ZNF449: variants seen among roughly 807,000 people sequenced by gnomAD.
The protein encoded by ZNF449 is zinc finger protein 449.
ZNF449 carries 4 observed loss-of-function variants against 32.6 expected under a neutral mutation model. The observed-to-expected ratio is 0.12, with a 90% CI of 0.06 to 0.28. ZNF449 has a LOEUF of 0.28. Among genes scored for constraint, ZNF449 ranks in the 10% least tolerant of loss-of-function variants. The pLI is 1.00. For synonymous variants in ZNF449, 123 were observed against 132.2 expected, an observed-to-expected ratio of 0.93 and a Z score of 0.48; for missense variants, 275 against 383.2, an observed-to-expected ratio of 0.72 and a Z score of 2.36.
At chrX:135,352,749 A>G (rs142123985) in intron 3 of ZNF449, among the ~76,000 whole-genome samples, 198 of 112,251 alleles carry the variant, frequency 1.8e-3, no homozygotes, top group African/African-American at 5.8e-3. Flanking sequence ...CTATACCAAA[A>G]AATTTACCAT....
chrX:135,361,032 G>A lies in ZNF449; in HGVS notation c.1513G>A (p.Gly505Ser), dbSNP rs1556453726. ...TTCTAAAAGCTTCAGACAGAGAGCC[G>A]GCCTTATTATGCACCAGGTCACTCA... ...HCSKSFRQRAGLIMHQVTHFR... is the reference protein window; with the variant it reads ...HCSKSFRQRASLIMHQVTHFR... The change falls in exon 5 of 5, where the codon GGC becomes AGC. Residue 505 changes from glycine (G) to serine (S), a missense_variant. By Grantham distance (56) the Gly-to-Ser change is moderately conservative. Around this residue, in one of 3 missense-constraint regions of ZNF449, gnomAD observed 80 missense variants for 146.6 expected, o/e 0.55. Transcript: ENST00000339249. 5 of 1,199,124 alleles carry A rather than the reference G, an allele frequency of 4.2e-6. No individual in the cohort carries two copies. The highest frequency in any genetic ancestry group is 3.0e-5 in the East Asian group (1 of 33,751).
At chrX:135,353,973 CTT>C (rs1225425640) in intron 3 of ZNF449, among the ~76,000 whole-genome samples, 20 of 111,974 alleles carry the variant, frequency 1.8e-4, no homozygotes, top group African/African-American at 6.2e-4. Context: ...AAAAGAGCTC[CTT>C]GACAGAAGTA....
chrX:135,357,795 C>G (rs1239317829), intron 3 of ZNF449, among the ~76,000 whole-genome samples: 2 of 110,882 alleles, frequency 1.8e-5, no homozygotes, highest in Non-Finnish European at 3.8e-5. Flanking sequence ...TTGACTGGCT[C>G]TCTTGTGGTT....
chrX:135,355,652 G>T (rs1556451695), intron 3 of ZNF449, among the ~76,000 whole-genome samples: 1 of 111,407 alleles, frequency 9.0e-6, no homozygotes, highest in Non-Finnish European at 1.9e-5. Context: ...ATCATTTAAT[G>T]ATGTCAATAT....
intron 3 of ZNF449, among the ~76,000 whole-genome samples, chrX:135,353,015 G>T (rs1341355892): frequency 1.8e-5 from 2 of 111,820 alleles, no homozygotes; most frequent in Non-Finnish European, 3.8e-5. Flanking sequence ...TACTATTTTT[G>T]AGAGGAATTC....
At chrX:135,355,523 GT>G (rs1208638948) in intron 3 of ZNF449, among the ~76,000 whole-genome samples, 2 of 110,073 alleles carry the variant, frequency 1.8e-5, no homozygotes, top group African/African-American at 3.3e-5. Context: ...AAAATCTATT[GT>G]TTTTTTCCCT....
At chrX:135,351,988 ATATAT>A (rs1440504180) in intron 3 of ZNF449, among the ~76,000 whole-genome samples, 1 of 112,281 alleles carries the variant, frequency 8.9e-6, no homozygotes, top group East Asian at 2.8e-4. Flanking sequence ...GTTTAAAGTG[ATATAT>A]TATGCTTTGA....
At chrX:135,349,426 A>G in intron 3 of ZNF449, 112 bp downstream of exon 3, 1 of 720,291 alleles carries the variant, frequency 1.4e-6, no homozygotes, top group Non-Finnish European at 2.0e-6. Flanking sequence ...TTGACCACTC[A>G]GATAAAGAAG....
At chrX:135,356,635 C>T (rs1480715752) in intron 3 of ZNF449, among the ~76,000 whole-genome samples, 2 of 111,111 alleles carry the variant, frequency 1.8e-5, no homozygotes, top group Non-Finnish European at 3.8e-5. Context: ...TTTGTTTCTC[C>T]CAAATTTAAC....
intron 3 of ZNF449, among the ~76,000 whole-genome samples, chrX:135,353,782 A>G (rs1386224003): frequency 8.9e-6 from 1 of 112,133 alleles, no homozygotes; most frequent in Non-Finnish European, 1.9e-5. Flanking sequence ...TGTCACCTTA[A>G]ACATTTATCA....
chrX:135,359,760 G>C (rs1279090836), intron 3 of ZNF449, 132 bp from the exon 4 acceptor site: 7 of 429,108 alleles, frequency 1.6e-5, no homozygotes, highest in Admixed American at 3.8e-5. Context: ...TGTTGTAAGA[G>C]ACTCAGGTGA....
chrX:135,352,460 AG>A (rs1443315431), intron 3 of ZNF449, among the ~76,000 whole-genome samples: 1 of 112,162 alleles, frequency 8.9e-6, no homozygotes, highest in Non-Finnish European at 1.9e-5. Flanking sequence ...AGGAGACGCT[AG>A]TCTTAAAAAC....
Position 135,361,059 on chromosome X carries a change from T to G in ZNF449, c.1540T>G (p.Phe514Val), listed in dbSNP as rs1556453757. Residue 514 changes from phenylalanine to valine, a missense_variant, in exon 5 of 5, where the codon TTT (phenylalanine) becomes GTT (valine). Phe to Val is a conservative substitution (Grantham distance 50, BLOSUM62 -1). This residue lies in a region of ZNF449 where 80 missense variants were observed against 146.6 expected (regional missense o/e 0.55). Coordinates refer to ENST00000339249, the MANE Select transcript of ZNF449 (RefSeq NM_152695.6). ...AGLIMHQVTH[F>V]RGLI ...CCTTATTATGCACCAGGTCACTCAC[T>G]TTAGAGGACTTATTTAAGAATTGCT... 1 of 1,163,445 alleles carries G rather than the reference T, an allele frequency of 8.6e-7. No homozygotes were observed. Among genetic ancestry groups the G allele is most frequent in the Non-Finnish European group, 1.1e-6 (1 of 875,638 alleles).
chrX:135,355,408 C>T (rs2084911687), intron 3 of ZNF449, among the ~76,000 whole-genome samples: 1 of 109,866 alleles, frequency 9.1e-6, no homozygotes, highest in Admixed American at 9.7e-5. Flanking sequence ...CCTCTTCCAC[C>T]ACATCATTCA....
intron 3 of ZNF449, among the ~76,000 whole-genome samples, chrX:135,358,486 A>G (rs2084929335): frequency 1.8e-5 from 2 of 111,594 alleles, no homozygotes; most frequent in African/African-American, 6.5e-5. Flanking sequence ...CTTCAGTCCC[A>G]TACACTTTGC....
intron 2 of ZNF449, chrX:135,347,852 T>A (rs1399480308): frequency 5.5e-6 from 2 of 362,704 alleles, no homozygotes; most frequent in African/African-American, 5.2e-5. Context: ...TGAAAGGTCA[T>A]TGAAAAAAAG....
At chrX:135,357,829 T>A (rs1336777664) in intron 3 of ZNF449, among the ~76,000 whole-genome samples, 6 of 111,303 alleles carry the variant, frequency 5.4e-5, no homozygotes, top group African/African-American at 2.0e-4. Context: ...TATATCTTTT[T>A]CCATCCCTTT....
chrX:135,350,003 ATTTTTT>A (rs552605724), intron 3 of ZNF449, among the ~76,000 whole-genome samples: 2 of 81,797 alleles, frequency 2.4e-5, no homozygotes, highest in African/African-American at 8.9e-5. Flanking sequence ...GGGGTTTTCT[ATTTTTT>A]TTTTTTTTTT....
chrX:135,360,919 A>C lies in ZNF449; in HGVS notation c.1400A>C (p.Tyr467Ser). 1 of 1,211,397 alleles carries C rather than the reference A, an allele frequency of 8.3e-7. No homozygotes were observed. Among genetic ancestry groups the C allele is most frequent in the Non-Finnish European group, 1.1e-6 (1 of 895,324 alleles). ...GAAGAGAGACCTTTTAAATGTAATTATTGTGGGAAAAGTTTTAGACAGAGA... is the reference window on the plus strand; with the variant it reads ...GAAGAGAGACCTTTTAAATGTAATTCTTGTGGGAAAAGTTTTAGACAGAGA... ...HTEERPFKCNYCGKSFRQRPS... is the reference protein window; with the variant it reads ...HTEERPFKCNSCGKSFRQRPS... The change falls in exon 5 of 5, where the codon TAT (tyrosine) becomes TCT (serine). Residue 467 changes from tyrosine to serine, a missense_variant. Tyr to Ser is a moderately radical substitution (Grantham distance 144). This residue lies in a region of ZNF449 where 80 missense variants were observed against 146.6 expected (regional missense o/e 0.55). Transcript: ENST00000339249.
Sources: gnomAD v4.1 joint callset for allele counts (sites outside exome capture counted in the v4.1 genomes callset) on GRCh38, gnomAD v4.1.1 for gene constraint, gnomAD v4.1.1 regional missense constraint, MANE v1.5 for transcripts, NCBI Gene and HGNC (gene_info 2026-07-23, HGNC 2026-07-21) for gene names.